Variants in DOK7 observed in about 807,000 individuals in gnomAD.
DOK7 encodes docking protein 7.
A neutral mutation model predicts 30.7 loss-of-function variants in DOK7; 32 were observed. The ratio of observed to expected loss-of-function variants is 1.04; its 90% CI spans 0.79 to 1.40. DOK7 has a LOEUF of 1.40. Among genes scored for constraint, DOK7 ranks in the 40% most tolerant of loss-of-function variants. The probability of loss-of-function intolerance (pLI) is 0.00; values close to 1 mark genes in which losing one functional copy is unlikely to be tolerated. For missense variants in DOK7, 1,007 were observed against 699.2 expected, an observed-to-expected ratio of 1.44 and a Z score of -4.97; for synonymous variants, 447 against 324.1, an observed-to-expected ratio of 1.38 and a Z score of -4.07.
intron 5 of DOK7, 44 bp downstream of exon 5, chr4:3,485,702 G>A: frequency 1.3e-6 from 2 of 1,491,340 alleles, no homozygotes; most frequent in Non-Finnish European, 1.8e-6. Flanking sequence ...GCGCTCGGCA[G>A]GCTGTGCGAC....
rs1040813683 is a variant in DOK7, at chr4:3,493,638, T to G, written c.*137T>G. 2 of 1,477,718 alleles carry G rather than the reference T, an allele frequency of 1.4e-6. No homozygotes were observed. The highest frequency in any genetic ancestry group is 1.4e-5 in the African/African-American group (1 of 70,636). The allele number at this position is 1,477,718 out of a possible 1,614,324, so 91.5% of individuals were successfully genotyped here. On this transcript the variant is annotated 3_prime_UTR_variant, in exon 7 of 7. Coordinates refer to ENST00000340083, the MANE Select transcript of DOK7 (RefSeq NM_173660.5). Reference sequence around the variant, plus strand: ...CCGGGGGTCTCCCGGAGAGGGGAGCTGGAGGGCGCGCCCTGTGGCTGCCAC... The same window carrying G: ...CCGGGGGTCTCCCGGAGAGGGGAGCGGGAGGGCGCGCCCTGTGGCTGCCAC...
chr4:3,491,014 CTCAT>C (rs1262803590), intron 6 of DOK7, among the ~76,000 whole-genome samples: 1 of 113,978 alleles, frequency 8.8e-6, no homozygotes, highest in Non-Finnish European at 1.8e-5. Flanking sequence ...CTTCTTCCTG[CTCAT>C]TCATTCCTTC....
intron 4 of DOK7, among the ~76,000 whole-genome samples, chr4:3,484,259 G>T (rs1021610327): frequency 6.6e-5 from 10 of 152,242 alleles, no homozygotes; most frequent in African/African-American, 2.4e-4. Context: ...TGTGCCCGGG[G>T]TGGCTGCCAA....
Position 3,492,818 on chromosome 4 carries a change from A to G in DOK7, c.832A>G (p.Ser278Gly), listed in dbSNP as rs1178776985. The G allele has an allele frequency of 1.4e-5, 23 of 1,612,660 alleles. No homozygotes were observed. The highest frequency in any genetic ancestry group is 1.9e-5 in the Non-Finnish European group (22 of 1,179,956). ...GGCCAGTCACTTGGACGTCAGCGCC[A>G]GCAGCCGGCTCACCGCATGGCCAGA... ...SEASHLDVSA[S>G]SRLTAWPEQS... The change falls in exon 7 of 7, where the codon AGC becomes GGC. Residue 278 changes from serine to glycine, a missense_variant. Physicochemically the swap from Ser to Gly is moderately conservative, Grantham distance 56. Coordinates refer to ENST00000340083, the MANE Select transcript of DOK7 (RefSeq NM_173660.5).
intron 2 of DOK7, 100 bp downstream of exon 2, chr4:3,463,651 TCACC>T (rs1726105535): frequency 7.0e-7 from 1 of 1,432,164 alleles, no homozygotes; most frequent in East Asian, 2.5e-5. Flanking sequence ...GCCGCCGCTG[TCACC>T]CCGCCGGGAA....
At position 3,463,452 on chromosome 4, in the gene DOK7, G is replaced by T. The variant is rs781051112; in HGVS notation, c.54+23G>T. On this transcript the variant is annotated intron_variant, in intron 1 of 6. Transcript: ENST00000340083. Reference sequence around the variant, plus strand: ...AAGGTCGGGGCGCGTCGGGGGCGCGGGGGGGGGGGGCGCGGGCGCGGGCGG... The same window carrying T: ...AAGGTCGGGGCGCGTCGGGGGCGCGTGGGGGGGGGGCGCGGGCGCGGGCGG... The T allele has an allele frequency of 4.4e-4, 171 of 388,670 alleles. 1 individual carries two copies. Among genetic ancestry groups the T allele is most frequent in the Non-Finnish European group, 4.7e-4 (152 of 321,728 alleles). 24.1% of individuals were successfully genotyped at this position (388,670 alleles called of 1,614,324 possible). A position where few individuals can be genotyped will look rare whatever the true frequency, so the allele number is the denominator to read the frequency against.
At chr4:3,495,043 G>A (rs931322576), downstream of DOK7, among the ~76,000 whole-genome samples, 4 of 152,194 alleles carry the variant, frequency 2.6e-5, no homozygotes, top group African/African-American at 9.7e-5. Flanking sequence ...AGCAAGCGTG[G>A]GCTTTGGGGA....
At chr4:3,495,732 A>C (rs531227484), downstream of DOK7, among the ~76,000 whole-genome samples, 29 of 152,238 alleles carry the variant, frequency 1.9e-4, no homozygotes, top group South Asian at 5.8e-3. Flanking sequence ...CTGGCCAGGC[A>C]GGGGACAGGG....
At position 3,463,616 on chromosome 4, in the gene DOK7, C is replaced by T. The variant is rs1299182527; in HGVS notation, c.100+65C>T. The T allele has an allele frequency of 1.5e-5, 23 of 1,510,934 alleles. No individual in the cohort carries two copies. In the East Asian group the frequency reaches 2.5e-4, roughly 16 times the overall value. The allele number at this position is 1,510,934 out of a possible 1,614,324, so 93.6% of individuals were successfully genotyped here. On this transcript the variant is annotated intron_variant, in intron 2 of 6. Coordinates refer to ENST00000340083, the MANE Select transcript of DOK7 (RefSeq NM_173660.5). ...CGACACGGGTTACCGAGGCCCGGGG[C>T]AGTAATGCCAGCTTGCCCAAAATCG...
intron 3 of DOK7, among the ~76,000 whole-genome samples, chr4:3,474,916 A>T (rs984423635): frequency 6.6e-6 from 1 of 152,134 alleles, no homozygotes; most frequent in East Asian, 1.9e-4. Flanking sequence ...TGTCTCAAAA[A>T]AACAAACACA....
chr4:3,484,468 GC>G lies in DOK7; in HGVS notation c.533-1067del, dbSNP rs1448150982. 9.1e-5 allele frequency: 90 copies of G among 984,010 alleles called. No individual in the cohort carries two copies. In the Middle Eastern group the frequency reaches 7.3e-3, roughly 80 times the overall value. 61.0% of individuals were successfully genotyped at this position (984,010 alleles called of 1,614,324 possible). On this transcript the variant is annotated intron_variant, in intron 4 of 6. Transcript: ENST00000340083. ...ACCTTTCTTTGGGCAATGGGCAGAGGCCCCGGAGCGGGCGGGATTCCTGTGA... is the reference window on the plus strand; with the variant it reads ...ACCTTTCTTTGGGCAATGGGCAGAGGCCCGGAGCGGGCGGGATTCCTGTGA...
At chr4:3,481,836 T>C (rs996140847) in intron 4 of DOK7, among the ~76,000 whole-genome samples, 1 of 152,212 alleles carries the variant, frequency 6.6e-6, no homozygotes, top group East Asian at 1.9e-4. Flanking sequence ...GAGCATTTTC[T>C]TTCTCAAGCC....
rs551144154 is a variant in DOK7 at position 3,472,681 on chromosome 4, G to A, written c.101-725G>A. 6.4e-4 allele frequency among the ~76,000 whole-genome samples: 98 copies of A among 152,336 alleles called. 1 individual carries two copies. Among genetic ancestry groups the A allele is most frequent in the African/African-American group, 1.8e-3 (74 of 41,572 alleles). ...CCTGGTGGAGTAGACAGCACCAGCC[G>A]GTTGCCTGTGGTGACAGTGACGTTG... On this transcript the variant is annotated intron_variant, in intron 2 of 6. Transcript: ENST00000340083.
chr4:3,468,525 TGTGACTGTGA>T (rs1327508053), intron 2 of DOK7, among the ~76,000 whole-genome samples: 1 of 147,194 alleles, frequency 6.8e-6, no homozygotes, highest in East Asian at 2.0e-4. Context: ...TATGAGTGTG[TGTGACTGTGA>T]GTGTATGTGT....
intron 2 of DOK7, among the ~76,000 whole-genome samples, chr4:3,464,249 A>C (rs1726142859): frequency 1.3e-5 from 2 of 152,128 alleles, no homozygotes; most frequent in Non-Finnish European, 2.9e-5. Context: ...GCCTGTGTGC[A>C]TGGGGGGCTG....
intron 6 of DOK7, among the ~76,000 whole-genome samples, chr4:3,490,396 G>GTCCTTCATTTCCCTCCTGCTCATTCAT (rs147752087): frequency 9.0e-5 from 4 of 44,412 alleles, no homozygotes; most frequent in African/African-American, 4.3e-4. Flanking sequence ...TGCTCATTCA[G>GTCCTTCATTTCCCTCCTGCTCATTCAT]TCCTTCTTTC....
intron 2 of DOK7, 48 bp from the exon 3 acceptor site, chr4:3,473,352 AGGGTGC>A (rs1726874521): frequency 6.3e-7 from 1 of 1,582,986 alleles, no homozygotes; most frequent in South Asian, 1.1e-5. Flanking sequence ...GGGGACGCCA[AGGGTGC>A]GGGCAGGCGG....
rs1728719741 is a variant in DOK7 at position 3,493,829 on chromosome 4, G to T, written c.*328G>T. On this transcript the variant is annotated 3_prime_UTR_variant, in exon 7 of 7. Coordinates refer to ENST00000340083, the MANE Select transcript of DOK7 (RefSeq NM_173660.5). ...TCTGTTGGCTCGTGCCTTGCACTGG[G>T]GTGCCAAGGGCTGGAGGCCCTGCCG... 3.3e-6 allele frequency: 4 copies of T among 1,224,182 alleles called. No individual in the cohort carries two copies. 75.8% of individuals were successfully genotyped at this position (1,224,182 alleles called of 1,614,324 possible). A position where few individuals can be genotyped will look rare whatever the true frequency, so the allele number is the denominator to read the frequency against.
Position 3,493,129 on chromosome 4 carries a change from C to T in DOK7, c.1143C>T (p.Pro381=), listed in dbSNP as rs56769879. Residue 381 remains proline (P), a synonymous_variant, in exon 7 of 7, where the codon CCC becomes CCT. Transcript: ENST00000340083. ...SLLSLPAAGA[P]EPSLCTCLPG... Reference sequence around the variant, plus strand: ...TCAGCCTGCCAGCAGCGGGGGCCCCCGAGCCCAGCCTGTGCACCTGCCTGC... The same window carrying T: ...TCAGCCTGCCAGCAGCGGGGGCCCCTGAGCCCAGCCTGTGCACCTGCCTGC... 3.2e-3 allele frequency: 5,122 copies of T among 1,594,468 alleles called. 80 individuals are homozygous for T. In the African/African-American group the frequency reaches 0.042, roughly 13 times the overall value.
Sources: allele counts gnomAD v4.1 joint callset (sites outside exome capture counted in the v4.1 genomes callset), GRCh38; gene constraint gnomAD v4.1.1; transcripts MANE v1.5; gene names NCBI Gene and HGNC (gene_info 2026-07-23, HGNC 2026-07-21).